NME9: variants seen among roughly 807,000 people sequenced by gnomAD.
NME9 encodes the protein NME/NM23 family member 9.
NME9 carries 48 observed loss-of-function variants against 44.4 expected under a neutral mutation model. The ratio of observed to expected loss-of-function variants is 1.08; its 90% CI spans 0.86 to 1.37. NME9 has a LOEUF of 1.37. Among genes scored for constraint, NME9 ranks in the 40% most tolerant of loss-of-function variants. The pLI is 0.00. For missense variants in NME9, 325 were observed against 405.2 expected (o/e 0.80, Z 1.70); for synonymous variants, 139 against 147.1 (o/e 0.94, Z 0.40).
At chr3:138,296,479 A>G (rs1403063811), downstream of NME9, 1 of 152,174 alleles carries the variant, frequency 6.6e-6, no homozygotes, top group East Asian at 1.9e-4. Context: ...TGGTCAGATG[A>G]ATATTTGTAA....
chr3:138,311,418 A>C (rs2052695847), intron 6 of NME9, among the ~76,000 whole-genome samples: 1 of 152,198 alleles, frequency 6.6e-6, no homozygotes, highest in South Asian at 2.1e-4. Flanking sequence ...CCCTGATAGC[A>C]AAACCAGACA....
chr3:138,308,562 T>C (rs1409725973), intron 6 of NME9, among the ~76,000 whole-genome samples: 4 of 152,240 alleles, frequency 2.6e-5, no homozygotes, highest in African/African-American at 4.8e-5. Context: ...AAAGGTTTTC[T>C]AACATTTAAG....
At chr3:138,322,240 ACT>A (rs1002555257) in intron 2 of NME9, among the ~76,000 whole-genome samples, 1 of 151,818 alleles carries the variant, frequency 6.6e-6, no homozygotes, top group African/African-American at 2.4e-5. Flanking sequence ...ATTAGCCTAA[ACT>A]CTCTGTGCTG....
chr3:138,305,264 G>T (rs2052162336), intron 8 of NME9, among the ~76,000 whole-genome samples: 1 of 152,170 alleles, frequency 6.6e-6, no homozygotes, highest in Admixed American at 6.5e-5. Flanking sequence ...AACTCAGAAT[G>T]ACGAGACTTT....
In NME9 at chr3:138,328,942, A is replaced by G. The variant is rs116865727; in HGVS notation, c.33+361T>C. Among the ~76,000 whole-genome samples, 201 of 152,346 alleles carry G rather than the reference A, an allele frequency of 1.3e-3. 7 individuals are homozygous for G. In the East Asian group the frequency reaches 0.037, roughly 28 times the overall value. On this transcript the variant is annotated intron_variant, in intron 1 of 10. Coordinates refer to ENST00000333911, the MANE Select transcript of NME9 (RefSeq NM_001349018.2). ...ATACTGTATTCTCTGTGCAAGCTGC[A>G]GTTGTATTTCAACAAGAACAAAATA...
intron 8 of NME9, among the ~76,000 whole-genome samples, chr3:138,285,387 G>A (rs1315180183): frequency 6.6e-6 from 1 of 152,054 alleles, no homozygotes. Context: ...CAAGTCCTAC[G>A]TGACCTAACC....
intron 4 of NME9, 55 bp downstream of exon 4, chr3:138,318,093 T>C: frequency 2.8e-6 from 3 of 1,087,974 alleles, no homozygotes; most frequent in Admixed American, 1.7e-5. Context: ...GCTTCTATTT[T>C]GAACTCTAAT....
chr3:138,325,539 G>A (rs534096632), intron 1 of NME9, among the ~76,000 whole-genome samples: 1 of 152,088 alleles, frequency 6.6e-6, no homozygotes, highest in South Asian at 2.1e-4. Flanking sequence ...CTCCTGAGGA[G>A]CTGGGATTAC....
intron 1 of NME9, among the ~76,000 whole-genome samples, chr3:138,325,191 T>C (rs954495268): frequency 2.6e-5 from 4 of 152,340 alleles, no homozygotes; most frequent in Non-Finnish European, 4.4e-5. Context: ...GAACAATATA[T>C]AAATTGTTTT....
intron 8 of NME9, chr3:138,273,239 C>A: frequency 9.4e-7 from 1 of 1,065,660 alleles, no homozygotes; most frequent in Non-Finnish European, 1.3e-6. Context: ...TGCCCCCTTC[C>A]AAAGAAACAA....
At chr3:138,296,570 GGCTATAGTTGGCCTGATTAACAGGCAC>G (rs1239852543), downstream of NME9, 1 of 152,008 alleles carries the variant, frequency 6.6e-6, no homozygotes, top group East Asian at 1.9e-4. Context: ...AGAAAAAGTT[GGCTATAGTTGGCCTGATTAACAGGCAC>G]TATACATGGT....
chr3:138,285,695 AC>A (rs2050342174), intron 8 of NME9, among the ~76,000 whole-genome samples: 1 of 152,276 alleles, frequency 6.6e-6, no homozygotes, highest in African/African-American at 2.4e-5. Context: ...GGGTGTCTTT[AC>A]CACAGCGTAA....
rs73227569 is a variant in NME9 at position 138,278,100 on chromosome 3, G to T, written c.746-15514C>A. Among the ~76,000 whole-genome samples, 231 of 152,336 alleles carry T rather than the reference G, an allele frequency of 1.5e-3. 1 individual carries two copies. The highest frequency in any genetic ancestry group is 2.3e-3 in the Non-Finnish European group (156 of 68,032). ...AAATCAAAGGTATCCAAGCCTTAAAGGTTGGGGGCAGGATTTGACTATAAA... is the reference window on the plus strand; with the variant it reads ...AAATCAAAGGTATCCAAGCCTTAAATGTTGGGGGCAGGATTTGACTATAAA... On this transcript the variant is annotated intron_variant, in intron 8 of 8. Transcript: ENST00000317876.
intron 8 of NME9, chr3:138,270,186 C>G (rs2048658813): frequency 7.7e-7 from 1 of 1,294,926 alleles, no homozygotes; most frequent in Admixed American, 1.8e-5. Context: ...CAGCTATTGT[C>G]TAAGTTAGAA....
intron 8 of NME9, chr3:138,290,463 G>A: frequency 1.9e-6 from 2 of 1,034,706 alleles, no homozygotes; most frequent in Non-Finnish European, 2.9e-6. Context: ...AAGGACACTG[G>A]TAAGGCTCTA....
At chr3:138,274,425 T>G (rs2049081976) in intron 8 of NME9, 1 of 1,465,472 alleles carries the variant, frequency 6.8e-7, no homozygotes, top group Non-Finnish European at 9.5e-7. Context: ...CTTTGATAAT[T>G]ATGGATTTCC....
At position 138,264,489 on chromosome 3, in the gene NME9, G is replaced by A. The variant is rs141005900; in HGVS notation, c.746-1903C>T. On this transcript the variant is annotated intron_variant, in intron 8 of 8. Transcript: ENST00000317876. ...GGCTGGAGTGCAGTGGCATGATCTT[G>A]GCTCACTGCAACCTCCACCTCCCCG... Among the ~76,000 whole-genome samples the A allele has an allele frequency of 2.7e-4, 38 of 139,404 alleles. No individual in the cohort carries two copies. In the East Asian group the frequency reaches 5.1e-3, roughly 19 times the overall value. 91.5% of individuals were successfully genotyped at this position (139,404 alleles called of 152,430 possible). A position where few individuals can be genotyped will look rare whatever the true frequency, so the allele number is the denominator to read the frequency against.
chr3:138,274,367 ATTGTT>A, intron 8 of NME9: 1 of 867,732 alleles, frequency 1.2e-6, no homozygotes, highest in Non-Finnish European at 1.9e-6. Flanking sequence ...TGTGAATCAT[ATTGTT>A]TTAACTTTTA....
At chr3:138,276,627 G>A (rs1475793875) in intron 8 of NME9, among the ~76,000 whole-genome samples, 4 of 152,134 alleles carry the variant, frequency 2.6e-5, no homozygotes, top group Non-Finnish European at 5.9e-5. Flanking sequence ...TTATATACTA[G>A]CAGTGAACAA....
Sources: gnomAD v4.1 joint callset for allele counts (sites outside exome capture counted in the v4.1 genomes callset) on GRCh38, gnomAD v4.1.1 for gene constraint, MANE v1.5 for transcripts, NCBI Gene and HGNC (gene_info 2026-07-23, HGNC 2026-07-21) for gene names.